SCLT1: variants seen among roughly 807,000 people sequenced by gnomAD.
SCLT1 encodes sodium channel-associated protein 1.
Under a neutral mutation model 112.8 loss-of-function variants are expected in SCLT1, and 78 were observed. The ratio of observed to expected loss-of-function variants is 0.69; its 90% confidence interval spans 0.58 to 0.83. The LOEUF is 0.83. Ranked by LOEUF, SCLT1 falls within the 40% of genes least tolerant of loss-of-function variation. The pLI is 0.00. For missense variants in SCLT1, 747 were observed against 770.4 expected (o/e 0.97, Z 0.36); for synonymous variants, 257 against 254.7 (o/e 1.01, Z -0.09).
intron 5 of SCLT1, among the ~76,000 whole-genome samples, chr4:129,006,004 T>TG (rs1290050493): frequency 9.2e-6 from 1 of 108,704 alleles, no homozygotes; most frequent in Non-Finnish European, 1.7e-5. Context: ...CATCACACTC[T>TG]GGGGACTGTT....
rs201920986 is a variant in SCLT1, at chr4:128,978,452, C to CA, written c.687-7985dup. 4.8e-3 allele frequency among the ~76,000 whole-genome samples: 726 copies of CA among 149,932 alleles called. 4 individuals carry two copies. Among genetic ancestry groups the CA allele is most frequent in the African/African-American group, 0.017 (663 of 40,008 alleles). On this transcript the variant is annotated intron_variant, in intron 9 of 20. Transcript: ENST00000281142. ...AAGCAAAAAACAAAACAAAACAAAA[C>CA]AAAAAAACAAGCAACAAAAGTCAGA...
At chr4:128,948,452 T>C (rs1368964253) in intron 15 of SCLT1, 44 bp downstream of exon 15, 1 of 1,591,658 alleles carries the variant, frequency 6.3e-7, no homozygotes, top group Non-Finnish European at 8.5e-7. Flanking sequence ...TGTTGCATAT[T>C]TGCAGTTGGG....
chr4:128,941,524 T>A (rs1737691746), intron 17 of SCLT1, among the ~76,000 whole-genome samples: 1 of 152,056 alleles, frequency 6.6e-6, no homozygotes, highest in Non-Finnish European at 1.5e-5. Context: ...GTTTTTTCCT[T>A]ATTAATATTT....
chr4:129,093,439 AGCTTGACG>A lies in SCLT1; in HGVS notation c.-344_-337del, dbSNP rs1358531915. 126 of 292,770 alleles carry A rather than the reference AGCTTGACG, an allele frequency of 4.3e-4. 1 individual carries two copies. The highest frequency in any genetic ancestry group is 1.0e-4 in the Non-Finnish European group (16 of 157,068). 18.1% of individuals were successfully genotyped at this position (292,770 alleles called of 1,614,324 possible). On this transcript the variant is annotated 5_prime_UTR_variant, in exon 1 of 21. Coordinates refer to ENST00000281142, the MANE Select transcript of SCLT1 (RefSeq NM_144643.4). ...GGGCCACCTAGGAGAGTGCCGCGGG[AGCTTGACG>A]GCAGCCTGAGAGCGGCGTTCTACGC...
chr4:129,024,977 A>G (rs1437270113), intron 5 of SCLT1, among the ~76,000 whole-genome samples: 1 of 152,182 alleles, frequency 6.6e-6, no homozygotes, highest in Non-Finnish European at 1.5e-5. Flanking sequence ...AATGAAATGA[A>G]GCGAGAAGGG....
intron 14 of SCLT1, among the ~76,000 whole-genome samples, chr4:128,950,769 T>G (rs1169960070): frequency 6.6e-6 from 1 of 152,144 alleles, no homozygotes; most frequent in African/African-American, 2.4e-5. Context: ...AAAGAAAAGA[T>G]CATAATGAAC....
chr4:129,005,252 T>C (rs938022836), intron 5 of SCLT1, among the ~76,000 whole-genome samples: 1 of 152,204 alleles, frequency 6.6e-6, no homozygotes, highest in African/African-American at 2.4e-5. Flanking sequence ...TATGGTTATC[T>C]GCATCATAAC....
At chr4:129,065,211 T>C (rs561140805) in intron 2 of SCLT1, among the ~76,000 whole-genome samples, 1 of 152,166 alleles carries the variant, frequency 6.6e-6, no homozygotes, top group East Asian at 1.9e-4. Context: ...TTATCTATAG[T>C]AATATTTCTT....
intron 5 of SCLT1, among the ~76,000 whole-genome samples, chr4:129,023,883 T>C (rs1455209757): frequency 6.6e-6 from 1 of 152,226 alleles, no homozygotes; most frequent in Non-Finnish European, 1.5e-5. Flanking sequence ...ACCAGGAGAT[T>C]ATATCCCGCA....
At chr4:129,089,730 G>A (rs1296689709) in intron 1 of SCLT1, among the ~76,000 whole-genome samples, 1 of 152,114 alleles carries the variant, frequency 6.6e-6, no homozygotes, top group Non-Finnish European at 1.5e-5. Context: ...GGATGAAGCT[G>A]GAAACCATCA....
chr4:128,901,100 GA>G (rs1194204948), intron 18 of SCLT1, among the ~76,000 whole-genome samples: 3 of 152,206 alleles, frequency 2.0e-5, no homozygotes, highest in Non-Finnish European at 4.4e-5. Flanking sequence ...AACCATTGTG[GA>G]AGTCAGTGAG....
At chr4:129,011,448 T>G (rs1030627688) in intron 5 of SCLT1, among the ~76,000 whole-genome samples, 2 of 151,642 alleles carry the variant, frequency 1.3e-5, no homozygotes, top group Non-Finnish European at 3.0e-5. Context: ...AGTTTTATGG[T>G]CTGTTGCATT....
intron 5 of SCLT1, among the ~76,000 whole-genome samples, chr4:129,028,226 C>T (rs1746320598): frequency 6.6e-6 from 1 of 152,148 alleles, no homozygotes; most frequent in Non-Finnish European, 1.5e-5. Flanking sequence ...CAAGTCAATC[C>T]TAAGCCAAAA....
intron 12 of SCLT1, among the ~76,000 whole-genome samples, chr4:128,958,979 A>G (rs975321557): frequency 2.0e-5 from 3 of 152,218 alleles, no homozygotes; most frequent in Non-Finnish European, 4.4e-5. Flanking sequence ...ATGTTGGTAA[A>G]TAAATTAATG....
intron 18 of SCLT1, among the ~76,000 whole-genome samples, chr4:128,922,307 C>A (rs1005062776): frequency 6.6e-6 from 1 of 151,944 alleles, no homozygotes; most frequent in Non-Finnish European, 1.5e-5. Flanking sequence ...AGGTATATGC[C>A]CCAAGGAATA....
chr4:128,883,580 T>C (rs1168977995), downstream of SCLT1, among the ~76,000 whole-genome samples: 1 of 152,184 alleles, frequency 6.6e-6, no homozygotes, highest in Non-Finnish European at 1.5e-5. Flanking sequence ...AAGATTCCTA[T>C]GACTATCTTA....
At chr4:129,034,301 G>A (rs3765056) in intron 5 of SCLT1, among the ~76,000 whole-genome samples, 2,948 of 151,832 alleles carry the variant, frequency 0.019, 85 homozygotes, top group African/African-American at 0.061. Context: ...GGGGAAGTAA[G>A]ATCAAATATC....
At chr4:128,882,068 T>TA (rs1732654275), downstream of SCLT1, among the ~76,000 whole-genome samples, 1 of 152,198 alleles carries the variant, frequency 6.6e-6, no homozygotes, top group Admixed American at 6.5e-5. Context: ...TCTGGAAAGT[T>TA]AGATTTTTTT....
intron 18 of SCLT1, among the ~76,000 whole-genome samples, chr4:128,921,565 T>G (rs1470768775): frequency 6.6e-6 from 1 of 152,206 alleles, no homozygotes; most frequent in Non-Finnish European, 1.5e-5. Flanking sequence ...AAGAACTCCC[T>G]ATTCAATAAA....
Sources: allele counts gnomAD v4.1 joint callset (sites outside exome capture counted in the v4.1 genomes callset), GRCh38; gene constraint gnomAD v4.1.1; transcripts MANE v1.5; gene names NCBI Gene and HGNC (gene_info 2026-07-23, HGNC 2026-07-21).